Variants in RFC2 observed in about 807,000 individuals in gnomAD.
RFC2 encodes A1 40 kDa subunit.
RFC2 carries 34 observed loss-of-function variants against 44.8 expected under a neutral mutation model. That is an observed-to-expected ratio of 0.76 (90% confidence interval 0.58 to 1.01). RFC2 has a LOEUF of 1.01. Ranked by LOEUF, RFC2 falls within the 50% of genes least tolerant of loss-of-function variation. The pLI, the probability that RFC2 is intolerant of heterozygous loss-of-function variation, is 0.00. For synonymous variants in RFC2, 177 were observed against 168.9 expected, an observed-to-expected ratio of 1.05 and a Z score of -0.37; for missense variants, 400 against 453.6, an observed-to-expected ratio of 0.88 and a Z score of 1.07.
At chr7:74,244,615 C>T (rs996078481) in intron 5 of RFC2, among the ~76,000 whole-genome samples, 18 of 151,704 alleles carry the variant, frequency 1.2e-4, no homozygotes, top group African/African-American at 3.9e-4. Flanking sequence ...GCAATCTGCC[C>T]GCCTCGGCCT....
chr7:74,250,050 G>C (rs1439290675), intron 2 of RFC2, among the ~76,000 whole-genome samples: 1 of 151,838 alleles, frequency 6.6e-6, no homozygotes, highest in Non-Finnish European at 1.5e-5. Flanking sequence ...CTACTCGGGA[G>C]GCTAAAATGG....
intron 5 of RFC2, among the ~76,000 whole-genome samples, chr7:74,245,714 CAAAA>C (rs1182981268): frequency 1.5e-5 from 1 of 65,852 alleles, no homozygotes. Flanking sequence ...CTCCGTCTCA[CAAAA>C]AAAAAAAAAA....
intron 6 of RFC2, among the ~76,000 whole-genome samples, chr7:74,240,502 CAA>C (rs1216974808): frequency 3.7e-4 from 27 of 73,380 alleles, no homozygotes; most frequent in Non-Finnish European, 5.3e-4. Flanking sequence ...GCTGTGTCTC[CAA>C]AAAAAAAAAA....
rs375193932 is a variant in RFC2 at position 74,252,432 on chromosome 7, T to C, written c.180A>G (p.Leu60=). 144 of 1,573,586 alleles carry C rather than the reference T, an allele frequency of 9.2e-5. No homozygotes were observed. The highest frequency in any genetic ancestry group is 1.7e-4 in the Middle Eastern group (1 of 5,956). ...IVGNEDTVSR[L]EVFAREGNVP... The stretch of plus-strand genomic sequence containing the variant: ...AAAAAAAAAAAAAGCCACTCACCTC[T>C]AGCCTGCTCACGGTGTCTTCATTCC... The change falls in exon 2 of 11, where the codon CTA becomes CTG. Residue 60 remains leucine (L), a synonymous_variant. Coordinates refer to ENST00000055077, the MANE Select transcript of RFC2 (RefSeq NM_181471.3).
intron 4 of RFC2, 133 bp downstream of exon 4, chr7:74,248,879 C>A: frequency 1.5e-6 from 1 of 663,318 alleles, no homozygotes; most frequent in Admixed American, 2.6e-5. Context: ...AACGCTCTTT[C>A]ACTGGGAAGG....
Position 74,232,681 on chromosome 7 carries a change from A to G in RFC2, c.955-465T>C, listed in dbSNP as rs3135711. On this transcript the variant is annotated intron_variant, in intron 10 of 10. Coordinates refer to ENST00000055077, the MANE Select transcript of RFC2 (RefSeq NM_181471.3). ...GGAGTTCGAGATCAGCCTGACCAACATGGTAAAACCCCATCTCTACTAAAA... is the reference window on the plus strand; with the variant it reads ...GGAGTTCGAGATCAGCCTGACCAACGTGGTAAAACCCCATCTCTACTAAAA... Among the ~76,000 whole-genome samples, 696 of 152,284 alleles carry G rather than the reference A, an allele frequency of 4.6e-3. 6 individuals are homozygous for G. Among genetic ancestry groups the G allele is most frequent in the Non-Finnish European group, 6.1e-3 (414 of 68,008 alleles).
intron 5 of RFC2, among the ~76,000 whole-genome samples, chr7:74,246,417 A>AC: frequency 6.6e-6 from 1 of 151,924 alleles, no homozygotes; most frequent in African/African-American, 2.4e-5. Flanking sequence ...AAAAAAACAA[A>AC]AACCCTCATT....
chr7:74,250,045 C>T (rs1786828252), intron 2 of RFC2, among the ~76,000 whole-genome samples: 1 of 151,264 alleles, frequency 6.6e-6, no homozygotes, highest in South Asian at 2.1e-4. Flanking sequence ...CCCAGCTACT[C>T]GGGAGGCTAA....
At chr7:74,247,315 G>C (rs1803675834) in intron 4 of RFC2, among the ~76,000 whole-genome samples, 1 of 152,022 alleles carries the variant, frequency 6.6e-6, no homozygotes, top group Admixed American at 6.6e-5. Flanking sequence ...ATTGAGAGGA[G>C]GACTCTTCCT....
At chr7:74,237,327 G>C in intron 9 of RFC2, 35 bp downstream of exon 9, 1 of 1,490,186 alleles carries the variant, frequency 6.7e-7, no homozygotes, top group Non-Finnish European at 9.3e-7. Context: ...AGAAGTGAGC[G>C]GTTCCTCTGC....
At chr7:74,240,194 C>T (rs536730686) in intron 6 of RFC2, 99 bp from the exon 7 acceptor site, 2 of 1,087,226 alleles carry the variant, frequency 1.8e-6, no homozygotes, top group African/African-American at 3.1e-5. Context: ...ATCCACACAG[C>T]CCCAGGCACT....
At chr7:74,242,224 C>A (rs1803371104) in intron 6 of RFC2, among the ~76,000 whole-genome samples, 2 of 152,182 alleles carry the variant, frequency 1.3e-5, no homozygotes, top group Admixed American at 1.3e-4. Context: ...TGGAGAGCGA[C>A]TGTGATCGTG....
At chr7:74,233,901 G>A (rs782754909) in intron 10 of RFC2, 29 of 456,538 alleles carry the variant, frequency 6.4e-5, no homozygotes, top group African/African-American at 3.6e-4. Flanking sequence ...GTTCCTTATC[G>A]AGTAAAACAT....
chr7:74,252,911 G>C (rs563894833), intron 1 of RFC2, among the ~76,000 whole-genome samples: 1 of 152,122 alleles, frequency 6.6e-6, no homozygotes, highest in African/African-American at 2.4e-5. Context: ...ACTCCAGCCC[G>C]GGCTACAGAG....
In RFC2 at chr7:74,243,262, C is replaced by T. The variant is rs1368813320; in HGVS notation, c.435-16G>A. 2 of 1,555,362 alleles carry T rather than the reference C, an allele frequency of 1.3e-6. No homozygotes were observed. The highest frequency in any genetic ancestry group is 1.7e-5 in the Admixed American group (1 of 59,582). On this transcript the variant is annotated splice_polypyrimidine_tract_variant and intron_variant, in intron 5 of 10. Transcript: ENST00000055077. ...GTCGGTCATGCTGAGAAGAAAAACACAAGTTTGCAAGTGGGACCCAGAGAC... is the reference window on the plus strand; with the variant it reads ...GTCGGTCATGCTGAGAAGAAAAACATAAGTTTGCAAGTGGGACCCAGAGAC...
At chr7:74,249,822 C>T in intron 2 of RFC2, 42 bp from the exon 3 acceptor site, 1 of 1,538,846 alleles carries the variant, frequency 6.5e-7, no homozygotes, top group Non-Finnish European at 9.0e-7. Flanking sequence ...AAACTTGCTT[C>T]TGGATGACTA....
chr7:74,245,331 A>G (rs538202015), intron 5 of RFC2, among the ~76,000 whole-genome samples: 3 of 151,998 alleles, frequency 2.0e-5, no homozygotes, highest in South Asian at 4.2e-4. Context: ...CAGATTCTTC[A>G]TTTATACCAA....
intron 1 of RFC2, 39 bp from the exon 2 acceptor site, chr7:74,252,537 T>G (rs201288132): frequency 1.3e-5 from 16 of 1,186,206 alleles, no homozygotes; most frequent in Non-Finnish European, 1.8e-5. Context: ...CATGGTTATC[T>G]TCACACTACC....
chr7:74,238,803 TG>T lies in RFC2; in HGVS notation c.759+119del. The T allele has an allele frequency of 1.3e-6, 1 of 758,564 alleles. No individual in the cohort carries two copies. The highest frequency in any genetic ancestry group is 2.3e-6 in the Non-Finnish European group (1 of 436,938). The allele number at this position is 758,564 out of a possible 1,614,324, so 47.0% of individuals were successfully genotyped here. A position where few individuals can be genotyped will look rare whatever the true frequency, so the allele number is the denominator to read the frequency against. On this transcript the variant is annotated intron_variant, in intron 8 of 10. Transcript: ENST00000055077. This position sits in a 1 kb window ranked among gnomAD's most constrained non-coding sequence, Gnocchi z 4.0. Reference sequence around the variant, plus strand: ...ACAGACGGGAGCAGGGTGGGCTCCCTGGCACCCACAAGAGCAGCTAGATGTC... The same window carrying T: ...ACAGACGGGAGCAGGGTGGGCTCCCTGCACCCACAAGAGCAGCTAGATGTC...
Sources: allele counts gnomAD v4.1 joint callset (sites outside exome capture counted in the v4.1 genomes callset), GRCh38; gene constraint gnomAD v4.1.1; non-coding constraint Gnocchi (gnomAD v3.1); transcripts MANE v1.5; gene names NCBI Gene and HGNC (gene_info 2026-07-23, HGNC 2026-07-21).